CCDC112: variants seen among roughly 807,000 people sequenced by gnomAD.
CCDC112 encodes the protein coiled-coil domain-containing protein 112.
CCDC112 carries 40 observed loss-of-function variants against 66.3 expected under a neutral mutation model. The observed-to-expected ratio is 0.60, with a 90% CI of 0.47 to 0.79. The LOEUF is 0.79. CCDC112 is among the 30% of genes least tolerant of loss of function. The pLI is 0.00. For missense variants in CCDC112, 659 were observed against 603.8 expected (o/e 1.09, Z -0.96); for synonymous variants, 214 against 197.2 (o/e 1.09, Z -0.71).
rs766841483 is a variant in CCDC112, at chr5:115,271,385, T to A, written c.1160A>T (p.His387Leu). 2 of 1,610,718 alleles carry A rather than the reference T, an allele frequency of 1.2e-6. No homozygotes were observed. Among genetic ancestry groups the A allele is most frequent in the Admixed American group, 1.7e-5 (1 of 59,452 alleles). Residue 387 changes from histidine (H) to leucine (L), a missense_variant, in exon 7 of 10, where the codon CAT (histidine) becomes CTT (leucine). Transcript: ENST00000379611. ...AAACTGGCGCTGGCGTTCTTTCTGATGTTTTTTCTCTTTCTCTTCTTCTTC... is the reference window on the plus strand; with the variant it reads ...AAACTGGCGCTGGCGTTCTTTCTGAAGTTTTTTCTCTTTCTCTTCTTCTTC... ...LKEEEEKEKKHQKERQRQFKL... is the reference protein window; with the variant it reads ...LKEEEEKEKKLQKERQRQFKL...
chr5:115,286,629 T>C (rs1184080115), intron 1 of CCDC112, among the ~76,000 whole-genome samples: 2 of 151,994 alleles, frequency 1.3e-5, no homozygotes, highest in Non-Finnish European at 2.9e-5. Context: ...TTGGGTGGCA[T>C]AGTGGGGCCT....
At chr5:115,281,030 T>G (rs562246728) in intron 2 of CCDC112, among the ~76,000 whole-genome samples, 3 of 149,568 alleles carry the variant, frequency 2.0e-5, no homozygotes, top group South Asian at 2.1e-4. Context: ...AGAGAATTTT[T>G]TTTTTTTTTT....
chr5:115,280,391 T>C (rs1749400683), intron 2 of CCDC112: 2 of 152,222 alleles, frequency 1.3e-5, no homozygotes, highest in African/African-American at 4.8e-5. Context: ...TTAATGACTA[T>C]TGTCTACATT....
chr5:115,287,700 T>TTC (rs1749736860), intron 1 of CCDC112, among the ~76,000 whole-genome samples: 1 of 145,536 alleles, frequency 6.9e-6, no homozygotes, highest in African/African-American at 2.5e-5. Flanking sequence ...CCTTTCCTTT[T>TTC]TTTTTTTTTT....
At chr5:115,281,680 C>G (rs752127830) in intron 2 of CCDC112, among the ~76,000 whole-genome samples, 6 of 152,176 alleles carry the variant, frequency 3.9e-5, no homozygotes, top group Non-Finnish European at 7.4e-5. Context: ...ACTCAACTTA[C>G]TTTCTGTTTT....
intron 6 of CCDC112, among the ~76,000 whole-genome samples, chr5:115,274,049 T>C (rs1749104000): frequency 6.6e-6 from 1 of 152,142 alleles, no homozygotes; most frequent in East Asian, 1.9e-4. Context: ...ATACCATCTA[T>C]GGAATAAACA....
chr5:115,285,936 T>C (rs938185155), intron 1 of CCDC112, among the ~76,000 whole-genome samples: 1 of 152,044 alleles, frequency 6.6e-6, no homozygotes, highest in East Asian at 1.9e-4. Context: ...TGCTGAGCAA[T>C]AAAAATGGGT....
chr5:115,290,896 T>C (rs1442089190), intron 1 of CCDC112, among the ~76,000 whole-genome samples: 1 of 152,102 alleles, frequency 6.6e-6, no homozygotes, highest in African/African-American at 2.4e-5. Flanking sequence ...TGTGTGTGAA[T>C]CCCTTAGAAT....
chr5:115,288,802 A>G (rs1378747279), intron 1 of CCDC112, among the ~76,000 whole-genome samples: 1 of 152,170 alleles, frequency 6.6e-6, no homozygotes, highest in Non-Finnish European at 1.5e-5. Context: ...CCAGCAAATG[A>G]TTTCACCTCT....
chr5:115,268,132 T>A (rs182696679), intron 9 of CCDC112, among the ~76,000 whole-genome samples: 2 of 152,216 alleles, frequency 1.3e-5, no homozygotes, highest in African/African-American at 4.8e-5. Context: ...AATCAGTTAA[T>A]CTACTTATTA....
intron 2 of CCDC112, among the ~76,000 whole-genome samples, chr5:115,283,576 T>C (rs1180787020): frequency 6.6e-6 from 1 of 152,168 alleles, no homozygotes; most frequent in Non-Finnish European, 1.5e-5. Context: ...CATCACACTG[T>C]AGACATTAAA....
chr5:115,267,787 T>G lies in CCDC112; in HGVS notation c.*89A>C. The stretch of plus-strand genomic sequence containing the variant: ...ACAATAATCAATCTGACTAAGCTAT[T>G]GATATTTAAAGAATGTGGTTAGTCA... On this transcript the variant is annotated 3_prime_UTR_variant, in exon 10 of 10. Coordinates refer to ENST00000379611, the MANE Select transcript of CCDC112 (RefSeq NM_001040440.3). 12 of 1,008,748 alleles carry G rather than the reference T, an allele frequency of 1.2e-5. No individual in the cohort carries two copies. Among genetic ancestry groups the G allele is most frequent in the Non-Finnish European group, 1.6e-5 (10 of 632,824 alleles). The allele number at this position is 1,008,748 out of a possible 1,614,324, so 62.5% of individuals were successfully genotyped here.
At chr5:115,292,755 T>A (rs1749988908) in intron 1 of CCDC112, among the ~76,000 whole-genome samples, 1 of 152,204 alleles carries the variant, frequency 6.6e-6, no homozygotes, top group African/African-American at 2.4e-5. Context: ...CAATAATTGG[T>A]CAGAGATTTC....
At chr5:115,272,239 T>C (rs1749036200) in intron 6 of CCDC112, among the ~76,000 whole-genome samples, 1 of 152,164 alleles carries the variant, frequency 6.6e-6, no homozygotes, top group South Asian at 2.1e-4. Context: ...CTCCTTTTAT[T>C]TTCATGGGCA....
chr5:115,274,931 C>T (rs1749139574), intron 6 of CCDC112, among the ~76,000 whole-genome samples: 1 of 151,972 alleles, frequency 6.6e-6, no homozygotes, highest in Admixed American at 6.6e-5. Flanking sequence ...TTTGTAGAGA[C>T]AGGGTTTTGC....
intron 1 of CCDC112, among the ~76,000 whole-genome samples, chr5:115,295,395 T>C (rs1479278174): frequency 6.6e-6 from 1 of 152,208 alleles, no homozygotes; most frequent in East Asian, 1.9e-4. Context: ...TTATATATTT[T>C]ACATTTTTTC....
intron 3 of CCDC112, among the ~76,000 whole-genome samples, chr5:115,279,428 C>A (rs902178039): frequency 6.6e-6 from 1 of 152,042 alleles, no homozygotes; most frequent in Non-Finnish European, 1.5e-5. Flanking sequence ...CAACAGAAAA[C>A]AATCCAGTTA....
At chr5:115,287,998 G>T (rs185760582) in intron 1 of CCDC112, among the ~76,000 whole-genome samples, 3 of 148,180 alleles carry the variant, frequency 2.0e-5, no homozygotes, top group Admixed American at 6.7e-5. Flanking sequence ...TTTTCCCCCC[G>T]AGACGGAGTT....
intron 1 of CCDC112, chr5:115,296,188 G>C: frequency 7.9e-7 from 1 of 1,269,854 alleles, no homozygotes; most frequent in Admixed American, 4.3e-5. Context: ...ACGCGGCTAG[G>C]AAGCGGCAGA....
Sources: allele counts gnomAD v4.1 joint callset (sites outside exome capture counted in the v4.1 genomes callset), GRCh38; gene constraint gnomAD v4.1.1; transcripts MANE v1.5; gene names NCBI Gene and HGNC (gene_info 2026-07-23, HGNC 2026-07-21).